Variants in ADAM12 observed in about 807,000 individuals in gnomAD.
ADAM12 encodes disintegrin and metalloproteinase domain-containing protein 12.
Under a neutral mutation model 106.4 loss-of-function variants are expected in ADAM12, and 70 were observed. The ratio of observed to expected loss-of-function variants is 0.66; its 90% CI spans 0.54 to 0.80. ADAM12 has a LOEUF of 0.80. Ranked by LOEUF, ADAM12 falls within the 30% of genes least tolerant of loss-of-function variation. The pLI, the probability that ADAM12 is intolerant of heterozygous loss-of-function variation, is 0.00. For synonymous variants in ADAM12, 420 were observed against 433.5 expected (o/e 0.97, Z 0.39); for missense variants, 1,010 against 1,171.9 (o/e 0.86, Z 2.02).
At chr10:126,239,751 G>A (rs1441264080) in intron 3 of ADAM12, among the ~76,000 whole-genome samples, 4 of 152,168 alleles carry the variant, frequency 2.6e-5, no homozygotes, top group Non-Finnish European at 5.9e-5. Flanking sequence ...AAAATCTTGT[G>A]AGGTTGAAAG....
At chr10:126,359,491 C>T (rs373141498) in intron 1 of ADAM12, among the ~76,000 whole-genome samples, 12 of 152,118 alleles carry the variant, frequency 7.9e-5, no homozygotes, top group African/African-American at 2.9e-4. Context: ...AGAAATTGAC[C>T]AAAACAAAGG....
At position 126,017,121 on chromosome 10, in the gene ADAM12, T is replaced by TAGCAC. The variant is rs1322781559; in HGVS notation, c.*153_*157dup. On this transcript the variant is annotated 3_prime_UTR_variant, in exon 23 of 23. Transcript: ENST00000448723. The stretch of plus-strand genomic sequence containing the variant: ...ACCTGAGCAAGTAGACAGAGCACCA[T>TAGCAC]AGCACAGCACAGCACTGACGGCAGT... The TAGCAC allele has an allele frequency of 1.4e-4, 87 of 641,756 alleles. No homozygotes were observed. Among genetic ancestry groups the TAGCAC allele is most frequent in the Non-Finnish European group, 2.2e-4 (80 of 368,832 alleles). The allele number at this position is 641,756 out of a possible 1,614,324, so 39.8% of individuals were successfully genotyped here.
chr10:126,038,343 C>T lies in ADAM12; in HGVS notation c.2247G>A (p.Val749=), dbSNP rs761055008. ...KKTTIEKLRC[V]RPSRPPRGFQ... ...AGCCACGGGGTGGCCGGGAAGGGCGCACACACCTGCAACAGAATCCCATAC... is the reference window on the plus strand; with the variant it reads ...AGCCACGGGGTGGCCGGGAAGGGCGTACACACCTGCAACAGAATCCCATAC... Residue 749 remains valine (V), a synonymous_variant, in exon 20 of 23, where the codon GTG becomes GTA. Coordinates refer to ENST00000448723, the MANE Select transcript of ADAM12 (RefSeq NM_001288973.2). 1.4e-5 allele frequency: 23 copies of T among 1,589,410 alleles called. No homozygotes were observed. The South Asian group carries it at 2.5e-4, about 17-fold the overall frequency.
chr10:126,111,467 T>C (rs1427192906), intron 6 of ADAM12, among the ~76,000 whole-genome samples: 2 of 152,148 alleles, frequency 1.3e-5, no homozygotes, highest in African/African-American at 4.8e-5. Context: ...ATTCCCTAAT[T>C]AATCATTAAA....
chr10:126,229,643 C>A (rs1958270238), intron 3 of ADAM12, among the ~76,000 whole-genome samples: 1 of 118,214 alleles, frequency 8.5e-6, no homozygotes, highest in Non-Finnish European at 1.7e-5. Context: ...TCTTCCTCTT[C>A]CCCCCCACTG....
chr10:126,106,149 T>A (rs1955762488), intron 8 of ADAM12, among the ~76,000 whole-genome samples: 1 of 152,104 alleles, frequency 6.6e-6, no homozygotes, highest in Admixed American at 6.5e-5. Flanking sequence ...CCTCAGCCTC[T>A]GCTTGGTCAT....
At chr10:126,164,922 A>C (rs1305612764) in intron 3 of ADAM12, among the ~76,000 whole-genome samples, 1 of 152,234 alleles carries the variant, frequency 6.6e-6, no homozygotes, top group African/African-American at 2.4e-5. Context: ...TATCGAAGAC[A>C]TCTGGTATTT....
chr10:126,242,988 C>T (rs1184659303), intron 3 of ADAM12, among the ~76,000 whole-genome samples: 1 of 152,254 alleles, frequency 6.6e-6, no homozygotes, highest in East Asian at 1.9e-4. Flanking sequence ...CATGTGAATA[C>T]AAGCCCAAGG....
chr10:126,281,174 A>G (rs1289172756), intron 2 of ADAM12, among the ~76,000 whole-genome samples: 1 of 152,202 alleles, frequency 6.6e-6, no homozygotes, highest in African/African-American at 2.4e-5. Flanking sequence ...AATTATATTT[A>G]CAATAAAATA....
chr10:126,245,975 G>C (rs1958621377), intron 3 of ADAM12, among the ~76,000 whole-genome samples: 1 of 152,158 alleles, frequency 6.6e-6, no homozygotes, highest in Non-Finnish European at 1.5e-5. Context: ...TGAACAGATA[G>C]CTAGAAAGAC....
intron 3 of ADAM12, among the ~76,000 whole-genome samples, chr10:126,213,976 A>G (rs772985385): frequency 2.0e-5 from 3 of 152,004 alleles, no homozygotes; most frequent in Non-Finnish European, 4.4e-5. Context: ...ACCACTCTGT[A>G]GAAAATAACA....
At chr10:126,032,818 A>T (rs1953993792) in intron 21 of ADAM12, among the ~76,000 whole-genome samples, 1 of 152,188 alleles carries the variant, frequency 6.6e-6, no homozygotes, top group Admixed American at 6.5e-5. Flanking sequence ...ATCTAAAACA[A>T]ATTAGAAAAA....
At chr10:126,317,285 T>C (rs1358064438) in intron 2 of ADAM12, among the ~76,000 whole-genome samples, 1 of 152,180 alleles carries the variant, frequency 6.6e-6, no homozygotes, top group African/African-American at 2.4e-5. Context: ...GAAATCTTAA[T>C]AGAGACCCAA....
chr10:126,014,890 T>C lies in ADAM12; in HGVS notation c.*2389A>G, dbSNP rs541106072. ...GTATTGATTTTTTTTGTTTTGAGGA[T>C]ATAAAAAAGAATACTCCACCCCGTG... On this transcript the variant is annotated 3_prime_UTR_variant, in exon 23 of 23. Transcript: ENST00000448723. 6.6e-5 allele frequency: 10 copies of C among 152,122 alleles called. No homozygotes were observed. The highest frequency in any genetic ancestry group is 1.2e-4 in the Non-Finnish European group (8 of 67,998). The allele number at this position is 152,122 out of a possible 1,614,324, so 9.4% of individuals were successfully genotyped here.
Position 126,094,140 on chromosome 10 carries a change from G to T in ADAM12, c.997-7C>A, listed in dbSNP as rs762495600. 6.2e-7 allele frequency: 1 copy of T among 1,613,252 alleles called. No homozygotes were observed. Among genetic ancestry groups the T allele is most frequent in the Non-Finnish European group, 8.5e-7 (1 of 1,179,558 alleles). ...GGGGATTGTCTGAATGGTCCTCAAA[G>T]AAAACACAAAAGTACAGGTGTATAA... On this transcript the variant is annotated splice_polypyrimidine_tract_variant and splice_region_variant and intron_variant, in intron 10 of 22. Coordinates refer to ENST00000448723, the MANE Select transcript of ADAM12 (RefSeq NM_001288973.2).
chr10:126,258,916 A>C (rs958251583), intron 3 of ADAM12, among the ~76,000 whole-genome samples: 1 of 152,152 alleles, frequency 6.6e-6, no homozygotes, highest in African/African-American at 2.4e-5. Flanking sequence ...CAGCTCCACT[A>C]GCCTGCAAGC....
intron 18 of ADAM12, chr10:126,041,321 T>C (rs539535906): frequency 1.0e-6 from 1 of 985,748 alleles, no homozygotes; most frequent in Admixed American, 6.1e-5. Context: ...TTTATATATG[T>C]ATGAACAGGG....
chr10:126,077,216 T>C lies in ADAM12; in HGVS notation c.1146-5562A>G, dbSNP rs150238731. Among the ~76,000 whole-genome samples, 400 of 152,124 alleles carry C rather than the reference T, an allele frequency of 2.6e-3. 3 individuals carry two copies. The highest frequency in any genetic ancestry group is 9.2e-3 in the African/African-American group (381 of 41,500). Reference sequence around the variant, plus strand: ...TAGCCAAGGAGAGGAAAGTTCTCTATAAGAGAACTACAAAACACTGCTGAA... The same window carrying C: ...TAGCCAAGGAGAGGAAAGTTCTCTACAAGAGAACTACAAAACACTGCTGAA... On this transcript the variant is annotated intron_variant, in intron 11 of 22. Transcript: ENST00000448723.
At chr10:126,038,944 C>A in intron 19 of ADAM12, among the ~76,000 whole-genome samples, 1 of 145,674 alleles carries the variant, frequency 6.9e-6, no homozygotes. Context: ...TTTTCTGAGA[C>A]ACCATTTCTT....
Sources: gnomAD v4.1 joint callset for allele counts (sites outside exome capture counted in the v4.1 genomes callset) on GRCh38, gnomAD v4.1.1 for gene constraint, MANE v1.5 for transcripts, NCBI Gene and HGNC (gene_info 2026-07-23, HGNC 2026-07-21) for gene names.